NTN1: variants seen among roughly 807,000 people sequenced by gnomAD.
NTN1 encodes the protein netrin 1.
Under a neutral mutation model 54.2 loss-of-function variants are expected in NTN1, and 11 were observed. The observed-to-expected ratio is 0.20, with a 90% CI of 0.13 to 0.34. The LOEUF (loss-of-function observed/expected upper bound fraction) is 0.34, where lower values mean the gene tolerates loss of function less well. Ranked by LOEUF, NTN1 falls within the 10% of genes least tolerant of loss-of-function variation. The pLI is 1.00. For missense variants in NTN1, 740 were observed against 893.1 expected (o/e 0.83, Z 2.18); for synonymous variants, 371 against 382.0 (o/e 0.97, Z 0.33).
At chr17:9,017,238 CCACTTATATTCA>C (rs1446904930), upstream of NTN1, among the ~76,000 whole-genome samples, 1 of 152,180 alleles carries the variant, frequency 6.6e-6, no homozygotes, top group Non-Finnish European at 1.5e-5. Context: ...ATCTTTCCTG[CCACTTATATTCA>C]CACTTTCTTG....
chr17:9,042,828 T>C (rs1051632095), intron 2 of NTN1, among the ~76,000 whole-genome samples: 7 of 152,014 alleles, frequency 4.6e-5, no homozygotes, highest in Non-Finnish European at 8.8e-5. Context: ...CTTTTGTCAC[T>C]TTATATTGCC....
intron 2 of NTN1, among the ~76,000 whole-genome samples, chr17:9,048,563 A>G (rs1331887857): frequency 6.6e-6 from 1 of 152,164 alleles, no homozygotes; most frequent in Non-Finnish European, 1.5e-5. Flanking sequence ...GAAGCTAGGC[A>G]TTGACTTCTC....
At chr17:9,044,130 C>T (rs570540173) in intron 2 of NTN1, among the ~76,000 whole-genome samples, 57 of 151,916 alleles carry the variant, frequency 3.8e-4, no homozygotes, top group Non-Finnish European at 6.3e-4. Flanking sequence ...TTTTGATATT[C>T]CTTTTGTTCC....
At chr17:9,197,515 C>T (rs1904669786) in intron 5 of NTN1, among the ~76,000 whole-genome samples, 1 of 152,008 alleles carries the variant, frequency 6.6e-6, no homozygotes, top group African/African-American at 2.4e-5. Flanking sequence ...AAAAAATTAG[C>T]CAGGCGTGGT....
At chr17:9,209,914 G>GGT (rs1905056659) in intron 5 of NTN1, among the ~76,000 whole-genome samples, 1 of 152,090 alleles carries the variant, frequency 6.6e-6, no homozygotes, top group Non-Finnish European at 1.5e-5. Flanking sequence ...TTGGGCATGA[G>GGT]GTGGGGCCTG....
At chr17:9,063,609 G>A (rs1259058916) in intron 2 of NTN1, among the ~76,000 whole-genome samples, 12 of 151,046 alleles carry the variant, frequency 7.9e-5, no homozygotes, top group African/African-American at 1.5e-4. Context: ...GTGCAGTGGC[G>A]CAATCTCAGC....
chr17:9,164,427 A>AAAAAAAAAAAGAAAGAACATCTTGGGGG (rs1365286990), intron 3 of NTN1, among the ~76,000 whole-genome samples: 2 of 150,000 alleles, frequency 1.3e-5, no homozygotes, highest in Non-Finnish European at 3.0e-5. Context: ...ACTGTCTCGA[A>AAAAAAAAAAAGAAAGAACATCTTGGGGG]AAAAAAAAAA....
intron 3 of NTN1, among the ~76,000 whole-genome samples, chr17:9,166,115 G>C (rs113987331): frequency 6.6e-6 from 1 of 151,318 alleles, no homozygotes; most frequent in African/African-American, 2.4e-5. Flanking sequence ...GTACCCTTGA[G>C]ATCTTCAAAC....
At chr17:9,164,675 A>G (rs2092368923) in intron 3 of NTN1, among the ~76,000 whole-genome samples, 1 of 152,198 alleles carries the variant, frequency 6.6e-6, no homozygotes, top group African/African-American at 2.4e-5. Flanking sequence ...ATGCACAGGC[A>G]TAAGTAGAAT....
At chr17:9,018,763 C>T (rs1354505231), upstream of NTN1, among the ~76,000 whole-genome samples, 1 of 152,096 alleles carries the variant, frequency 6.6e-6, no homozygotes, top group Admixed American at 6.5e-5. Context: ...GCTTCTTTTC[C>T]ATTCCTCTTT....
At chr17:9,118,939 G>A (rs757350130) in intron 2 of NTN1, among the ~76,000 whole-genome samples, 1 of 152,122 alleles carries the variant, frequency 6.6e-6, no homozygotes, top group African/African-American at 2.4e-5. Context: ...CTTTGCCATT[G>A]AGAATAATAC....
chr17:9,065,175 G>C (rs1421365865), intron 2 of NTN1, among the ~76,000 whole-genome samples: 1 of 152,178 alleles, frequency 6.6e-6, no homozygotes, highest in Non-Finnish European at 1.5e-5. Flanking sequence ...GACCTCAGGT[G>C]ATCTGCCTGC....
At chr17:9,231,545 G>A (rs191721620) in intron 6 of NTN1, among the ~76,000 whole-genome samples, 8 of 152,334 alleles carry the variant, frequency 5.3e-5, no homozygotes, top group East Asian at 1.9e-4. Flanking sequence ...AACCCCACAC[G>A]GGACAGGGCT....
rs1359493911 is a variant in NTN1 at position 9,106,465 on chromosome 17, C to CT, written c.1019-56347dup. 2.2e-3 allele frequency among the ~76,000 whole-genome samples: 212 copies of CT among 96,446 alleles called. 8 individuals are homozygous for CT. The highest frequency in any genetic ancestry group is 4.4e-3 in the Non-Finnish European group (172 of 39,208). The allele number at this position is 96,446 out of a possible 152,430, so 63.3% of individuals were successfully genotyped here. A position where few individuals can be genotyped will look rare whatever the true frequency, so the allele number is the denominator to read the frequency against. On this transcript the variant is annotated intron_variant, in intron 2 of 6. Coordinates refer to ENST00000173229, the MANE Select transcript of NTN1 (RefSeq NM_004822.3). ...AAAATGGCATTTCCTTCCTTCCTTC[C>CT]TCCCTTCCTTCCTTCCTTCCTTCCT...
At chr17:9,042,616 G>A (rs1216380228) in intron 2 of NTN1, among the ~76,000 whole-genome samples, 11 of 151,926 alleles carry the variant, frequency 7.2e-5, no homozygotes, top group Non-Finnish European at 1.3e-4. Context: ...GTGAAACCCC[G>A]TCTCCACTAA....
intron 2 of NTN1, among the ~76,000 whole-genome samples, chr17:9,096,242 T>C (rs528893325): frequency 3.3e-5 from 5 of 152,240 alleles, no homozygotes; most frequent in Admixed American, 6.5e-5. Flanking sequence ...AATGGTGTCA[T>C]TTTCCAGTAT....
chr17:9,176,537 G>C (rs1163848224), intron 3 of NTN1: 1 of 152,200 alleles, frequency 6.6e-6, no homozygotes, highest in Non-Finnish European at 1.5e-5. Flanking sequence ...CCAGGCCATA[G>C]TATGGCATTG....
chr17:9,077,493 A>G (rs1249008749), intron 2 of NTN1, among the ~76,000 whole-genome samples: 5 of 152,352 alleles, frequency 3.3e-5, no homozygotes, highest in Admixed American at 6.5e-5. Context: ...TCTGAGCCTC[A>G]GTATCCTCAC....
chr17:9,228,475 A>G (rs967997913), intron 6 of NTN1, among the ~76,000 whole-genome samples: 2 of 152,080 alleles, frequency 1.3e-5, no homozygotes, highest in Non-Finnish European at 2.9e-5. Context: ...GGGGGCTCCC[A>G]TCCACGCCCC....
Sources: gnomAD v4.1 joint callset for allele counts (sites outside exome capture counted in the v4.1 genomes callset) on GRCh38, gnomAD v4.1.1 for gene constraint, MANE v1.5 for transcripts, NCBI Gene and HGNC (gene_info 2026-07-23, HGNC 2026-07-21) for gene names.